Variants in ITCH observed in about 807,000 individuals in gnomAD.
ITCH encodes E3 ubiquitin-protein ligase Itchy homolog.
Under a neutral mutation model 126.8 loss-of-function variants are expected in ITCH, and 28 were observed. That is an observed-to-expected ratio of 0.22 (90% CI 0.16 to 0.30). The LOEUF (loss-of-function observed/expected upper bound fraction) is 0.30. Ranked by LOEUF, ITCH falls within the 10% of genes least tolerant of loss-of-function variation. ITCH has a pLI of 1.00. For synonymous variants in ITCH, 342 were observed against 340.0 expected (o/e 1.01, Z -0.06); for missense variants, 631 against 1,032.4 (o/e 0.61, Z 5.33).
chr20:34,441,017 T>C (rs1179232437), intron 9 of ITCH, among the ~76,000 whole-genome samples: 2 of 152,098 alleles, frequency 1.3e-5, no homozygotes, highest in African/African-American at 4.8e-5. Context: ...ACGCCTGTAA[T>C]ACCAGCATTT....
Position 34,457,472 on chromosome 20 carries a change from A to C in ITCH, c.1293A>C (p.Gln431His), listed in dbSNP as rs1986114611. The C allele has an allele frequency of 2.5e-6, 4 of 1,592,326 alleles. No individual in the cohort carries two copies. The highest frequency in any genetic ancestry group is 3.4e-6 in the Non-Finnish European group (4 of 1,160,542). Residue 431 changes from glutamine (Q) to histidine (H), a missense_variant and splice_region_variant, in exon 13 of 25, where the codon CAA (glutamine) becomes CAC (histidine). Gln to His is a conservative substitution (Grantham distance 24). Around this residue, in one of 4 missense-constraint regions of ITCH, gnomAD observed 390 missense variants for 731.6 expected, o/e 0.53. Coordinates refer to ENST00000374864, the MANE Select transcript of ITCH (RefSeq NM_031483.7). ...CACAATGGGAAGACCCCAGAAGTCA[A>C]GGGTAAGAATAGTTACTTGTGTATA... ...RITQWEDPRSQGQLNEKPLPE... is the reference protein window; with the variant it reads ...RITQWEDPRSHGQLNEKPLPE...
rs1483059376 is a variant in ITCH at position 34,462,238 on chromosome 20, T to C, written c.1424+17T>C. ...ATCTGCCCTGTAAGTTTTCTAAACA[T>C]TGTAGATTAAGAGTAAAATACTAGT... On this transcript the variant is annotated intron_variant, in intron 14 of 24. Transcript: ENST00000374864. The C allele has an allele frequency of 2.5e-6, 4 of 1,611,944 alleles. No individual in the cohort carries two copies. In the South Asian group the frequency reaches 4.4e-5, roughly 18 times the overall value.
At chr20:34,454,633 A>G (rs1377115596) in intron 12 of ITCH, 7 of 152,086 alleles carry the variant, frequency 4.6e-5, no homozygotes, top group Admixed American at 1.3e-4. Flanking sequence ...TGTGATACTC[A>G]CTAGTTACAT....
Position 34,408,543 on chromosome 20 carries a change from T to C in ITCH, c.71-108T>C, listed in dbSNP as rs537422439. ...ATTGGTAAGTATTTTAGAGCAAAAC[T>C]GCTTCTCTGAGTAAATTTAGTAAAT... is the stretch of plus-strand genomic sequence containing the variant. On this transcript the variant is annotated intron_variant, in intron 3 of 24. Transcript: ENST00000374864. The C allele has an allele frequency of 1.2e-5, 12 of 1,022,244 alleles. No individual in the cohort carries two copies. The Admixed American group carries it at 1.8e-4, about 16-fold the overall frequency. The allele number at this position is 1,022,244 out of a possible 1,614,324, so 63.3% of individuals were successfully genotyped here. A position where few individuals can be genotyped will look rare whatever the true frequency, so the allele number is the denominator to read the frequency against.
Position 34,511,464 on chromosome 20 carries a change from G to A in ITCH, c.*3670G>A, listed in dbSNP as rs896790144. ...CTCTCTCCCCGGCCCCACCTTCTGA[G>A]ACTTATATGTGACCAGGTCACATAG... On this transcript the variant is annotated 3_prime_UTR_variant, in exon 25 of 25. Transcript: ENST00000374864. The A allele has an allele frequency of 1.1e-4, 16 of 152,138 alleles. No individual in the cohort carries two copies. The highest frequency in any genetic ancestry group is 2.0e-4 in the Admixed American group (3 of 15,270). 9.4% of individuals were successfully genotyped at this position (152,138 alleles called of 1,614,324 possible). A position where few individuals can be genotyped will look rare whatever the true frequency, so the allele number is the denominator to read the frequency against.
intron 12 of ITCH, among the ~76,000 whole-genome samples, chr20:34,451,363 C>T (rs931370977): frequency 2.0e-5 from 3 of 151,050 alleles, no homozygotes; most frequent in Non-Finnish European, 2.9e-5. Flanking sequence ...TTGAGGCTGA[C>T]GTGGGAGGAT....
At chr20:34,398,307 C>T (rs2038748147) in intron 3 of ITCH, among the ~76,000 whole-genome samples, 1 of 152,154 alleles carries the variant, frequency 6.6e-6, no homozygotes, top group Admixed American at 6.5e-5. Context: ...AGGTGATCCA[C>T]CCACCTCAGC....
chr20:34,466,840 G>A (rs1229644202), intron 14 of ITCH, among the ~76,000 whole-genome samples: 1 of 152,104 alleles, frequency 6.6e-6, no homozygotes, highest in African/African-American at 2.4e-5. Flanking sequence ...TGAGAATATA[G>A]GAAAGATAAA....
intron 24 of ITCH, among the ~76,000 whole-genome samples, chr20:34,505,394 C>G (rs1990558317): frequency 6.6e-6 from 1 of 152,028 alleles, no homozygotes; most frequent in South Asian, 2.1e-4. Flanking sequence ...TCATTACTGT[C>G]TAATTCCAGA....
At chr20:34,466,549 A>G in intron 14 of ITCH, 1 of 440,324 alleles carries the variant, frequency 2.3e-6, no homozygotes, top group South Asian at 1.8e-5. Flanking sequence ...TACCGATAAT[A>G]TTATTCTATC....
intron 16 of ITCH, chr20:34,476,432 C>T: frequency 4.1e-6 from 5 of 1,227,088 alleles, no homozygotes; most frequent in Non-Finnish European, 5.1e-6. Context: ...CCGAGGACCG[C>T]AGAAGCGGCG....
chr20:34,376,478 A>G (rs1449037255), intron 2 of ITCH, among the ~76,000 whole-genome samples: 1 of 151,940 alleles, frequency 6.6e-6, no homozygotes, highest in Non-Finnish European at 1.5e-5. Context: ...ATAAATAAAT[A>G]AAACAGTTCA....
intron 16 of ITCH, among the ~76,000 whole-genome samples, chr20:34,474,632 A>G (rs1987965276): frequency 6.6e-6 from 1 of 152,118 alleles, no homozygotes; most frequent in African/African-American, 2.4e-5. Flanking sequence ...TTTCTATTCC[A>G]CAAAACCGCC....
chr20:34,474,521 T>C lies in ITCH; in HGVS notation c.1569+3006T>C, dbSNP rs576990066. On this transcript the variant is annotated intron_variant, in intron 16 of 24. Transcript: ENST00000374864. ...ACAGGATCCCAAGGCAGAAGAATTA[T>C]TCTTAGTACAGAACAAAATGAAAAG... Among the ~76,000 whole-genome samples, 4 of 152,360 alleles carry C rather than the reference T, an allele frequency of 2.6e-5. No individual in the cohort carries two copies. In the South Asian group the frequency reaches 6.2e-4, roughly 24 times the overall value.
intron 3 of ITCH, chr20:34,402,152 C>G (rs1244070360): frequency 6.2e-6 from 7 of 1,125,968 alleles, no homozygotes; most frequent in African/African-American, 1.5e-5. Flanking sequence ...ATGTTCCTAG[C>G]AGCACACATA....
At chr20:34,417,101 T>TG in intron 6 of ITCH, 1 of 159,558 alleles carries the variant, frequency 6.3e-6, no homozygotes, top group Non-Finnish European at 1.3e-5. Context: ...TTAGGTAGAC[T>TG]TTTTTTTTTT....
intron 7 of ITCH, among the ~76,000 whole-genome samples, chr20:34,430,070 T>C (rs990916666): frequency 6.6e-6 from 1 of 152,224 alleles, no homozygotes; most frequent in Non-Finnish European, 1.5e-5. Context: ...GAAAGTAGAA[T>C]CAGTCAATAT....
chr20:34,455,779 A>G (rs1023233169), intron 12 of ITCH, among the ~76,000 whole-genome samples: 2 of 151,956 alleles, frequency 1.3e-5, no homozygotes, highest in African/African-American at 4.8e-5. Context: ...CGCCCGGCCA[A>G]TATCCACATC....
intron 3 of ITCH, among the ~76,000 whole-genome samples, chr20:34,405,371 G>A (rs910642651): frequency 3.3e-5 from 5 of 152,076 alleles, no homozygotes; most frequent in African/African-American, 9.7e-5. Context: ...TGGGTGTGGC[G>A]GCGCGTGCCT....
Sources: gnomAD v4.1 joint callset for allele counts (sites outside exome capture counted in the v4.1 genomes callset) on GRCh38, gnomAD v4.1.1 for gene constraint, gnomAD v4.1.1 regional missense constraint, MANE v1.5 for transcripts, NCBI Gene and HGNC (gene_info 2026-07-23, HGNC 2026-07-21) for gene names.